AKR1D1: variants seen among roughly 807,000 people sequenced by gnomAD.
AKR1D1 encodes aldo-keto reductase family 1 member D1, also known as delta(4)-3-ketosteroid 5-beta-reductase.
Under a neutral mutation model 42.6 loss-of-function variants are expected in AKR1D1, and 32 were observed. The observed-to-expected ratio is 0.75, with a 90% CI of 0.57 to 1.01. The LOEUF (loss-of-function observed/expected upper bound fraction) is 1.01, where lower values mean the gene tolerates loss of function less well. AKR1D1 is among the 50% of genes least tolerant of loss of function. AKR1D1 has a pLI of 0.00. For synonymous variants in AKR1D1, 123 were observed against 135.5 expected, an observed-to-expected ratio of 0.91 and a Z score of 0.64; for missense variants, 364 against 402.2, an observed-to-expected ratio of 0.91 and a Z score of 0.81.
rs573151574 is a variant in AKR1D1 at position 138,108,918 on chromosome 7, A to G, written c.855+1338A>G. Among the ~76,000 whole-genome samples, 7 of 152,208 alleles carry G rather than the reference A, an allele frequency of 4.6e-5. No homozygotes were observed. In the South Asian group the frequency reaches 1.4e-3, roughly 31 times the overall value. On this transcript the variant is annotated intron_variant, in intron 7 of 8. Transcript: ENST00000242375. Reference sequence around the variant, plus strand: ...AAACATCATGTTGTATATGATAAAAACATACAATGTTATCTGTCAAATTAA... The same window carrying G: ...AAACATCATGTTGTATATGATAAAAGCATACAATGTTATCTGTCAAATTAA...
chr7:138,107,431 C>A lies in AKR1D1; in HGVS notation c.706C>A (p.Pro236Thr), dbSNP rs1794455126. Residue 236 changes from proline (P) to threonine (T), a missense_variant, in exon 7 of 9, where the codon CCA (proline) becomes ACA (threonine). Physicochemically the swap from Pro to Thr is conservative, Grantham distance 38 (BLOSUM62 -1). Coordinates refer to ENST00000242375, the MANE Select transcript of AKR1D1 (RefSeq NM_005989.4). ...ATTTTTAAGGGTGAATGTTTCTTCT[C>A]CACCTTTGTTAAAGGATGCACTTCT... is the stretch of plus-strand genomic sequence containing the variant. Reference protein sequence around the residue: ...RNPIWVNVSSPPLLKDALLNS... With the variant: ...RNPIWVNVSSTPLLKDALLNS... The A allele has an allele frequency of 6.2e-7, 1 of 1,614,004 alleles. No homozygotes were observed.
chr7:138,080,008 G>A (rs919931097), intron 1 of AKR1D1, among the ~76,000 whole-genome samples: 1 of 152,230 alleles, frequency 6.6e-6, no homozygotes, highest in Non-Finnish European at 1.5e-5. Context: ...TTGTGGTAAA[G>A]TCTGGAGTTC....
intron 1 of AKR1D1, among the ~76,000 whole-genome samples, chr7:138,086,589 A>G (rs1803185380): frequency 6.6e-6 from 1 of 152,182 alleles, no homozygotes; most frequent in African/African-American, 2.4e-5. Flanking sequence ...AAAATACAAT[A>G]TATGTCCCCA....
At chr7:138,099,469 T>G (rs761173617) in intron 4 of AKR1D1, among the ~76,000 whole-genome samples, 2 of 151,966 alleles carry the variant, frequency 1.3e-5, no homozygotes. Flanking sequence ...ACAAACAACA[T>G]TTTAAAAAAC....
intron 2 of AKR1D1, among the ~76,000 whole-genome samples, chr7:138,090,434 C>T (rs1348005573): frequency 6.6e-6 from 1 of 151,912 alleles, no homozygotes; most frequent in Non-Finnish European, 1.5e-5. Flanking sequence ...GTCAGAAGTT[C>T]GAGACCAGAC....
intron 8 of AKR1D1, among the ~76,000 whole-genome samples, chr7:138,114,487 C>T (rs1029657104): frequency 1.3e-5 from 2 of 151,618 alleles, no homozygotes; most frequent in African/African-American, 4.9e-5. Flanking sequence ...TGGAGAAACC[C>T]CGTCTCTACT....
intron 8 of AKR1D1, among the ~76,000 whole-genome samples, chr7:138,115,556 C>A (rs17169521): frequency 6.6e-6 from 1 of 151,696 alleles, no homozygotes; most frequent in South Asian, 2.1e-4. Context: ...CTAGCAACTT[C>A]GGGGAAAAAA....
intron 4 of AKR1D1, among the ~76,000 whole-genome samples, chr7:138,103,664 A>G (rs1295962416): frequency 6.6e-6 from 1 of 152,166 alleles, no homozygotes; most frequent in Non-Finnish European, 1.5e-5. Context: ...AATACCGGAA[A>G]AAGTTGGTAT....
At position 138,105,402 on chromosome 7, in the gene AKR1D1, A is replaced by C; in HGVS notation, c.552A>C (p.Gly184=). Residue 184 remains glycine (G), a synonymous_variant, in exon 5 of 9, where the codon GGA becomes GGC. Coordinates refer to ENST00000242375, the MANE Select transcript of AKR1D1 (RefSeq NM_005989.4). The part of the protein sequence containing the change: ...RQLELILNKP[G]LKHKPVSNQV... ...TGGAGCTCATCCTGAACAAGCCAGGACTCAAACACAAGCCAGTCAGCAACC... is the reference window on the plus strand; with the variant it reads ...TGGAGCTCATCCTGAACAAGCCAGGCCTCAAACACAAGCCAGTCAGCAACC... 1.2e-6 allele frequency: 2 copies of C among 1,614,024 alleles called. No homozygotes were observed. The highest frequency in any genetic ancestry group is 1.7e-6 in the Non-Finnish European group (2 of 1,179,980).
chr7:138,110,769 A>C (rs1794521823), intron 7 of AKR1D1, among the ~76,000 whole-genome samples: 1 of 152,160 alleles, frequency 6.6e-6, no homozygotes. Context: ...AAATAAACAA[A>C]AAACCATGAG....
At chr7:138,085,251 C>T (rs1803148463) in intron 1 of AKR1D1, among the ~76,000 whole-genome samples, 1 of 151,496 alleles carries the variant, frequency 6.6e-6, no homozygotes, top group African/African-American at 2.4e-5. Flanking sequence ...AGTAGATATC[C>T]AGTAAGTAAA....
At chr7:138,077,230 G>A (rs1343950506) in intron 1 of AKR1D1, among the ~76,000 whole-genome samples, 1 of 152,140 alleles carries the variant, frequency 6.6e-6, no homozygotes, top group African/African-American at 2.4e-5. Context: ...AAAGGAAAGA[G>A]GTTTAATTGA....
Position 138,088,759 on chromosome 7 carries a change from C to G in AKR1D1, c.252C>G (p.Tyr84Ter). The change falls in exon 2 of 9, where the codon TAC (tyrosine) becomes TAG (stop). Residue 84 changes from tyrosine to a stop codon, truncating the protein, a stop_gained. Transcript: ENST00000242375. LOFTEE classifies it high-confidence loss of function. ...EGKVRREDIF[Y>*]CGKLWATNHV... is the part of the protein sequence containing the mutation. ...AGGTGCGGAGGGAAGATATCTTCTACTGTGGAAAGGTGAGATCTTGCCTTC... is the reference window on the plus strand; with the variant it reads ...AGGTGCGGAGGGAAGATATCTTCTAGTGTGGAAAGGTGAGATCTTGCCTTC... The G allele has an allele frequency of 6.3e-7, 1 of 1,598,698 alleles. No individual in the cohort carries two copies.
chr7:138,117,780 G>C lies in AKR1D1; in HGVS notation c.*1118G>C, dbSNP rs967832271. On this transcript the variant is annotated 3_prime_UTR_variant, in exon 9 of 9. Coordinates refer to ENST00000242375, the MANE Select transcript of AKR1D1 (RefSeq NM_005989.4). Reference sequence around the variant, plus strand: ...CATGCCTATAATCCCAGCACTTTGGGAGGCCAAGGTGGGCAGATCAGGAGG... The same window carrying C: ...CATGCCTATAATCCCAGCACTTTGGCAGGCCAAGGTGGGCAGATCAGGAGG... The C allele has an allele frequency of 6.6e-6, 1 of 152,196 alleles. No homozygotes were observed. Among genetic ancestry groups the C allele is most frequent in the Non-Finnish European group, 1.5e-5 (1 of 68,046 alleles). 9.4% of individuals were successfully genotyped at this position (152,196 alleles called of 1,614,324 possible).
intron 1 of AKR1D1, among the ~76,000 whole-genome samples, chr7:138,079,626 A>G (rs967807495): frequency 1.3e-5 from 2 of 152,236 alleles, no homozygotes; most frequent in Non-Finnish European, 2.9e-5. Context: ...ATTTGTAAGC[A>G]ACAGCAACTC....
chr7:138,089,773 G>A (rs181097324), intron 2 of AKR1D1, among the ~76,000 whole-genome samples: 537 of 152,300 alleles, frequency 3.5e-3, no homozygotes, highest in Non-Finnish European at 6.1e-3. Context: ...AGTGTGTGCA[G>A]CTGAGTTCAT....
chr7:138,089,542 T>C (rs916632929), intron 2 of AKR1D1, among the ~76,000 whole-genome samples: 2 of 151,972 alleles, frequency 1.3e-5, no homozygotes, highest in Admixed American at 6.6e-5. Flanking sequence ...ACTCATATTA[T>C]AGGAGTCATT....
chr7:138,106,730 T>A lies in AKR1D1; in HGVS notation c.689+13T>A. On this transcript the variant is annotated intron_variant, in intron 6 of 8. Transcript: ENST00000242375. ...GGAATCCAATCTGGTAAGTAAAACT[T>A]TAGGAAGCATTTCCTTTGGTGTAGA... 6.4e-7 allele frequency: 1 copy of A among 1,560,296 alleles called. No homozygotes were observed. The highest frequency in any genetic ancestry group is 8.8e-7 in the Non-Finnish European group (1 of 1,130,974).
At chr7:138,098,031 C>A in intron 4 of AKR1D1, 88 bp downstream of exon 4, 1 of 1,020,030 alleles carries the variant, frequency 9.8e-7, no homozygotes, top group Non-Finnish European at 1.6e-6. Flanking sequence ...GAGAGAGATG[C>A]ACCCTTTACT....
Sources: gnomAD v4.1 joint callset for allele counts (sites outside exome capture counted in the v4.1 genomes callset) on GRCh38, gnomAD v4.1.1 for gene constraint, MANE v1.5 for transcripts, NCBI Gene and HGNC (gene_info 2026-07-23, HGNC 2026-07-21) for gene names.